Variants in IKBKB observed in about 807,000 individuals in gnomAD.
IKBKB encodes the protein inhibitor of nuclear factor kappa B kinase subunit beta, also known as inhibitor of nuclear factor kappa-B kinase subunit beta.
IKBKB carries 42 observed loss-of-function variants against 113.6 expected under a neutral mutation model. That is an observed-to-expected ratio of 0.37 (90% CI 0.29 to 0.48). The LOEUF is 0.48. Among genes scored for constraint, IKBKB ranks in the 20% least tolerant of loss-of-function variants. The pLI is 0.99. For missense variants in IKBKB, 673 were observed against 939.7 expected (o/e 0.72, Z 3.71); for synonymous variants, 296 against 361.3 (o/e 0.82, Z 2.05).
Position 42,298,574 on chromosome 8 carries a change from A to G in IKBKB, c.388+5062A>G, listed in dbSNP as rs1215463326. Reference sequence around the variant, plus strand: ...GAAGTGTGGATTATAGCAAAAGATCATTTGCACATAAAGCTTTTTGGAAAG... The same window carrying G: ...GAAGTGTGGATTATAGCAAAAGATCGTTTGCACATAAAGCTTTTTGGAAAG... On this transcript the variant is annotated intron_variant, in intron 5 of 21. Coordinates refer to ENST00000520810, the MANE Select transcript of IKBKB (RefSeq NM_001556.3). 3 of 743,040 alleles carry G rather than the reference A, an allele frequency of 4.0e-6. No homozygotes were observed. In the Admixed American group the frequency reaches 1.9e-4, roughly 47 times the overall value. The allele number at this position is 743,040 out of a possible 1,614,324, so 46.0% of individuals were successfully genotyped here. A position where few individuals can be genotyped will look rare whatever the true frequency, so the allele number is the denominator to read the frequency against.
At chr8:42,283,030 A>C (rs577484345) in intron 2 of IKBKB, among the ~76,000 whole-genome samples, 5 of 152,172 alleles carry the variant, frequency 3.3e-5, no homozygotes, top group Admixed American at 3.3e-4. Context: ...AGACTTGTTC[A>C]GTGTTCACAT....
chr8:42,296,853 A>C (rs796291600), intron 5 of IKBKB, among the ~76,000 whole-genome samples: 15 of 152,258 alleles, frequency 9.9e-5, no homozygotes, highest in African/African-American at 3.6e-4. Context: ...AGCGTTACTC[A>C]CCTTGTTAGA....
At position 42,293,601 on chromosome 8, in the gene IKBKB, T is replaced by A. The variant is rs761882885; in HGVS notation, c.388+89T>A. 4.4e-5 allele frequency: 70 copies of A among 1,606,972 alleles called. No individual in the cohort carries two copies. In the South Asian group the frequency reaches 7.0e-4, roughly 16 times the overall value. ...CCTGCGGAGCCCTGCAGGCAGACACTTCAATCCTTTGGTCTCTGTGGAAGG... is the reference window on the plus strand; with the variant it reads ...CCTGCGGAGCCCTGCAGGCAGACACATCAATCCTTTGGTCTCTGTGGAAGG... On this transcript the variant is annotated intron_variant, in intron 5 of 21. Coordinates refer to ENST00000520810, the MANE Select transcript of IKBKB (RefSeq NM_001556.3).
At chr8:42,289,172 G>A (rs998961824) in intron 3 of IKBKB, among the ~76,000 whole-genome samples, 5 of 152,126 alleles carry the variant, frequency 3.3e-5, no homozygotes, top group Non-Finnish European at 4.4e-5. Flanking sequence ...CCGAGATCAA[G>A]CCACTGCACT....
chr8:42,298,717 CG>C (rs914028039), intron 5 of IKBKB, among the ~76,000 whole-genome samples: 2 of 152,144 alleles, frequency 1.3e-5, no homozygotes, highest in Non-Finnish European at 2.9e-5. Flanking sequence ...ATGTCATGGC[CG>C]CAGCGTCCCC....
At chr8:42,306,768 T>C (rs1251933871) in intron 7 of IKBKB, among the ~76,000 whole-genome samples, 1 of 152,196 alleles carries the variant, frequency 6.6e-6, no homozygotes, top group Non-Finnish European at 1.5e-5. Context: ...CTCAGCCTCC[T>C]GAGCAGCTAG....
At position 42,316,718 on chromosome 8, in the gene IKBKB, T is replaced by C. The variant is rs1365742903; in HGVS notation, c.939T>C (p.His313=). 3.1e-6 allele frequency: 5 copies of C among 1,611,342 alleles called. No individual in the cohort carries two copies. Among genetic ancestry groups the C allele is most frequent in the Non-Finnish European group, 4.2e-6 (5 of 1,177,798 alleles). ...LDDILNLKLV[H]ILNMVTGTIH... The stretch of plus-strand genomic sequence containing the variant: ...TCTGGGTTGTGTTGCAGCTGGTTCA[T>C]ATCTTGAACATGGTCACGGGCACCA... The change falls in exon 11 of 22, where the codon CAT becomes CAC. Residue 313 remains histidine (H), a synonymous_variant. Coordinates refer to ENST00000520810, the MANE Select transcript of IKBKB (RefSeq NM_001556.3). The surrounding 1 kb of genome is among the most constrained non-coding windows in gnomAD (Gnocchi z 4.5).
At chr8:42,318,408 C>T in intron 12 of IKBKB, 144 bp from the exon 13 acceptor site, 1 of 825,612 alleles carries the variant, frequency 1.2e-6, no homozygotes, top group Non-Finnish European at 1.9e-6. Context: ...TGACAGTAAC[C>T]AGGCATAACA....
Position 42,325,974 on chromosome 8 carries a change from A to C in IKBKB, c.1991A>C (p.Lys664Thr). 6.2e-7 allele frequency: 1 copy of C among 1,614,124 alleles called. No individual in the cohort carries two copies. The highest frequency in any genetic ancestry group is 2.2e-5 in the East Asian group (1 of 44,886). The change falls in exon 20 of 22, where the codon AAG becomes ACG. Residue 664 changes from lysine (K) to threonine (T), a missense_variant. By Grantham distance (78) the Lys-to-Thr change is moderately conservative (BLOSUM62 -1). Around this residue, in one of 2 missense-constraint regions of IKBKB, gnomAD observed 506 missense variants for 638.7 expected, o/e 0.79. Transcript: ENST00000520810. ...LWNLLKIACS[K>T]VRGPVSGSPD... is the part of the protein sequence containing the mutation. ...TCTTTTGATTTTGTCCCCTAGAGCA[A>C]GGTCCGTGGTCCTGTCAGTGGAAGC...
At chr8:42,310,052 A>AT (rs1817415738) in intron 8 of IKBKB, among the ~76,000 whole-genome samples, 1 of 152,218 alleles carries the variant, frequency 6.6e-6, no homozygotes, top group Admixed American at 6.5e-5. Context: ...AATATAGACC[A>AT]TTTTTATTTG....
chr8:42,307,637 G>A (rs772548029), intron 7 of IKBKB, among the ~76,000 whole-genome samples: 4 of 152,144 alleles, frequency 2.6e-5, no homozygotes, highest in Non-Finnish European at 4.4e-5. Flanking sequence ...TTTCAGAGTG[G>A]GTCTCACAGA....
intron 16 of IKBKB, chr8:42,321,326 AAGG>A (rs1340928617): frequency 6.3e-6 from 1 of 158,048 alleles, no homozygotes; most frequent in Non-Finnish European, 1.4e-5. Context: ...CTCCTACCTG[AAGG>A]AGATCACATG....
chr8:42,296,157 A>G (rs1813737641), intron 5 of IKBKB, among the ~76,000 whole-genome samples: 1 of 152,248 alleles, frequency 6.6e-6, no homozygotes, highest in Admixed American at 6.5e-5. Context: ...GTCACTGCTT[A>G]TCTTCAGCAT....
intron 21 of IKBKB, chr8:42,329,627 T>C (rs2130738149): frequency 1.0e-6 from 1 of 984,740 alleles, no homozygotes; most frequent in African/African-American, 1.7e-5. Context: ...TTAATTCCGA[T>C]GATGAGGAAG....
At position 42,288,718 on chromosome 8, in the gene IKBKB, A is replaced by G; in HGVS notation, c.190A>G (p.Ile64Val). The change falls in exon 3 of 22, where the codon ATC becomes GTC. Residue 64 changes from isoleucine to valine, a missense_variant. Physicochemically the swap from Ile to Val is conservative, Grantham distance 29. This residue lies in a region of IKBKB where 167 missense variants were observed against 301.0 expected (regional missense o/e 0.55). Transcript: ENST00000520810. ...NRERWCLEIQ[I>V]MRRLTHPNVV... The stretch of plus-strand genomic sequence containing the variant: ...AGAGCGGTGGTGCCTGGAGATCCAG[A>G]TCATGAGAAGGTGAGGGCCTCGCGC... 2 of 1,609,956 alleles carry G rather than the reference A, an allele frequency of 1.2e-6. No homozygotes were observed. The highest frequency in any genetic ancestry group is 1.7e-6 in the Non-Finnish European group (2 of 1,177,916).
chr8:42,275,528 A>G (rs1808910504), intron 2 of IKBKB, among the ~76,000 whole-genome samples: 1 of 152,180 alleles, frequency 6.6e-6, no homozygotes, highest in South Asian at 2.1e-4. Flanking sequence ...ATGAGTGAGA[A>G]CATGTGGTAT....
chr8:42,312,325 G>A (rs746519631), intron 8 of IKBKB, among the ~76,000 whole-genome samples: 3 of 152,200 alleles, frequency 2.0e-5, no homozygotes, highest in Non-Finnish European at 4.4e-5. Flanking sequence ...TAATGGCCCA[G>A]CGTCTTCATA....
intron 2 of IKBKB, among the ~76,000 whole-genome samples, chr8:42,286,078 C>T (rs189612289): frequency 1.3e-5 from 2 of 152,214 alleles, no homozygotes; most frequent in East Asian, 3.9e-4. Flanking sequence ...GAATTATTCT[C>T]AATAGAGCTG....
At chr8:42,319,196 G>A in intron 13 of IKBKB, 74 bp from the exon 14 acceptor site, 4 of 1,362,404 alleles carry the variant, frequency 2.9e-6, no homozygotes, top group East Asian at 4.6e-5. Context: ...CATTTGAGGG[G>A]GTTTTGTTAT....
Sources: gnomAD v4.1 joint callset for allele counts (sites outside exome capture counted in the v4.1 genomes callset) on GRCh38, gnomAD v4.1.1 for gene constraint, gnomAD v4.1.1 regional missense constraint, Gnocchi (gnomAD v3.1) non-coding constraint, MANE v1.5 for transcripts, NCBI Gene and HGNC (gene_info 2026-07-23, HGNC 2026-07-21) for gene names.